PRH1: variants seen among roughly 807,000 people sequenced by gnomAD.
PRH1 encodes the protein proline rich protein HaeIII subfamily 1.
Under a neutral mutation model 7.9 loss-of-function variants are expected in PRH1, and 7 were observed. The observed-to-expected ratio is 0.89, with a 90% CI of 0.50 to 1.67. The LOEUF (loss-of-function observed/expected upper bound fraction) is 1.67. PRH1 is among the 40% of genes most tolerant of loss of function. The pLI is 0.00. For synonymous variants in PRH1, 45 were observed against 80.8 expected (o/e 0.56, Z 2.38); for missense variants, 109 against 223.6 (o/e 0.49, Z 3.27).
At chr12:10,912,270 T>A (rs1217630357) in intron 2 of PRH1, among the ~76,000 whole-genome samples, 1 of 152,188 alleles carries the variant, frequency 6.6e-6, no homozygotes, top group Non-Finnish European at 1.5e-5. Flanking sequence ...ATTGAGTACA[T>A]GAGCATACAT....
intron 2 of PRH1, among the ~76,000 whole-genome samples, chr12:10,942,737 A>G (rs527449834): frequency 1.4e-3 from 215 of 152,232 alleles, no homozygotes; most frequent in Middle Eastern, 6.8e-3. Flanking sequence ...AGGCTTCTTG[A>G]TGACTTCAAA....
At chr12:10,920,754 A>T (rs1275816181) in intron 2 of PRH1, among the ~76,000 whole-genome samples, 1 of 152,100 alleles carries the variant, frequency 6.6e-6, no homozygotes, top group Non-Finnish European at 1.5e-5. Flanking sequence ...GTCAAAGTGT[A>T]TTAGTTAAAT....
In PRH1 at chr12:11,024,786, A is replaced by G. The variant is rs1565564008; in HGVS notation, c.-126+22234T>C. Among the ~76,000 whole-genome samples, 3 of 152,254 alleles carry G rather than the reference A, an allele frequency of 2.0e-5. No homozygotes were observed. In the South Asian group the frequency reaches 6.2e-4, roughly 31 times the overall value. On this transcript the variant is annotated intron_variant, in intron 1 of 3. Coordinates refer to the PRH1 transcript ENST00000539853. Reference sequence around the variant, plus strand: ...CATTTGCTACAATTCCTCTGTGTATATATATCTGGGTGTAGAATTACAGGG... The same window carrying G: ...CATTTGCTACAATTCCTCTGTGTATGTATATCTGGGTGTAGAATTACAGGG...
chr12:11,111,976 C>T (rs897010375), intron 1 of PRH1, among the ~76,000 whole-genome samples: 3 of 152,070 alleles, frequency 2.0e-5, no homozygotes, highest in Non-Finnish European at 4.4e-5. Context: ...GAGATATTAC[C>T]ACTGACTTCA....
rs1393879886 is a variant in PRH1, at chr12:11,071,736, T to A, written n.124-24548A>T. 7.9e-5 allele frequency among the ~76,000 whole-genome samples: 12 copies of A among 152,250 alleles called. No homozygotes were observed. In the East Asian group the frequency reaches 2.1e-3, roughly 27 times the overall value. ...CTTAGAGTCTGTTAAGTGGCCCGGA[T>A]GCTCGGCTGGACTGACAAGCAAAAC... On this transcript the variant is annotated intron_variant and non_coding_transcript_variant, in intron 1 of 4. Coordinates refer to the PRH1 transcript ENST00000541977.
At chr12:11,021,537 T>C in intron 1 of PRH1, 2 of 708,356 alleles carry the variant, frequency 2.8e-6, no homozygotes. Flanking sequence ...TGTTTTGAAA[T>C]TACTCACATA....
chr12:11,055,572 C>G (rs566533518), intron 1 of PRH1, among the ~76,000 whole-genome samples: 21 of 152,350 alleles, frequency 1.4e-4, no homozygotes, highest in Non-Finnish European at 2.5e-4. Context: ...CAAAACAGCT[C>G]AAATTAACTC....
intron 1 of PRH1, among the ~76,000 whole-genome samples, chr12:11,143,808 T>G (rs1946784125): frequency 6.6e-6 from 1 of 152,172 alleles, no homozygotes; most frequent in African/African-American, 2.4e-5. Flanking sequence ...CACTCAACAC[T>G]GGAGCTCCCA....
intron 1 of PRH1, among the ~76,000 whole-genome samples, chr12:11,147,158 A>C (rs1474077913): frequency 6.6e-6 from 1 of 152,146 alleles, no homozygotes; most frequent in African/African-American, 2.4e-5. Flanking sequence ...TATATTTTAT[A>C]ATACTCAGTT....
chr12:11,065,628 T>C (rs1188529761), intron 1 of PRH1, among the ~76,000 whole-genome samples: 1 of 151,578 alleles, frequency 6.6e-6, no homozygotes, highest in Non-Finnish European at 1.5e-5. Context: ...GTTTTAGGGG[T>C]AGAAATGAAC....
At chr12:10,938,578 C>A (rs1281610673) in intron 2 of PRH1, 2 of 1,613,828 alleles carry the variant, frequency 1.2e-6, no homozygotes, top group Admixed American at 3.3e-5. Flanking sequence ...GCTGCATCTT[C>A]TTGCGATGTT....
intron 1 of PRH1, among the ~76,000 whole-genome samples, chr12:11,147,982 C>A (rs1169817559): frequency 1.4e-5 from 2 of 147,956 alleles, no homozygotes; most frequent in African/African-American, 4.9e-5. Flanking sequence ...GTTTGTAGTT[C>A]TCCTTGAAGA....
intron 1 of PRH1, among the ~76,000 whole-genome samples, chr12:11,096,321 C>T (rs1945067306): frequency 8.7e-6 from 1 of 115,484 alleles, no homozygotes; most frequent in South Asian, 2.3e-4. Context: ...TTATGTTTAA[C>T]TGGTTGTTAA....
intron 1 of PRH1, among the ~76,000 whole-genome samples, chr12:11,056,507 A>G (rs1157157546): frequency 6.6e-6 from 1 of 151,976 alleles, no homozygotes; most frequent in Non-Finnish European, 1.5e-5. Context: ...TTTTACAACT[A>G]CTCCCTGCCT....
intron 1 of PRH1, among the ~76,000 whole-genome samples, chr12:11,094,518 G>T (rs1565649333): frequency 8.8e-6 from 1 of 113,754 alleles, no homozygotes; most frequent in Non-Finnish European, 2.1e-5. Flanking sequence ...TGTCCTGTGA[G>T]ATGGATAATT....
intron 1 of PRH1, among the ~76,000 whole-genome samples, chr12:11,011,401 T>C (rs1210428363): frequency 1.3e-5 from 2 of 152,154 alleles, no homozygotes; most frequent in Admixed American, 6.6e-5. Context: ...CAATTAAATT[T>C]CTATTCAAAC....
intron 1 of PRH1, among the ~76,000 whole-genome samples, chr12:11,169,712 T>C (rs1284571805): frequency 6.6e-6 from 1 of 152,226 alleles, no homozygotes; most frequent in Admixed American, 6.5e-5. Context: ...ATGTGTGAAC[T>C]GAAACTATAT....
intron 1 of PRH1, among the ~76,000 whole-genome samples, chr12:11,056,005 C>G (rs927299190): frequency 7.2e-6 from 1 of 137,984 alleles, no homozygotes; most frequent in Non-Finnish European, 1.6e-5. Flanking sequence ...CTCATTAACA[C>G]AAACACGTTC....
At chr12:11,091,514 G>A (rs1263939008) in intron 1 of PRH1, 2 of 1,456,232 alleles carry the variant, frequency 1.4e-6, no homozygotes, top group South Asian at 1.1e-5. Flanking sequence ...AAAGTAAATG[G>A]CACATAACAA....
Sources: allele counts gnomAD v4.1 joint callset (sites outside exome capture counted in the v4.1 genomes callset), GRCh38; gene constraint gnomAD v4.1.1; transcripts MANE v1.5; gene names NCBI Gene and HGNC (gene_info 2026-07-23, HGNC 2026-07-21).